SHMT2: variants seen among roughly 807,000 people sequenced by gnomAD.
SHMT2 encodes the protein serine hydroxymethyltransferase, mitochondrial.
Under a neutral mutation model 59.6 loss-of-function variants are expected in SHMT2, and 38 were observed. The ratio of observed to expected loss-of-function variants is 0.64; its 90% CI spans 0.49 to 0.84. The LOEUF is 0.84. Ranked by LOEUF, SHMT2 falls within the 40% of genes least tolerant of loss-of-function variation. The pLI is 0.00. For missense variants in SHMT2, 533 were observed against 659.5 expected (o/e 0.81, Z 2.10); for synonymous variants, 254 against 258.1 (o/e 0.98, Z 0.15).
At chr12:57,230,305 C>G in intron 1 of SHMT2, 2 of 1,154,766 alleles carry the variant, frequency 1.7e-6, no homozygotes, top group Non-Finnish European at 2.2e-6. Flanking sequence ...CCCACCCCCA[C>G]CACTCCCACA....
chr12:57,230,761 T>C, intron 1 of SHMT2, 42 bp from the exon 2 acceptor site: 1 of 1,607,240 alleles, frequency 6.2e-7, no homozygotes, highest in Non-Finnish European at 8.5e-7. Context: ...AGACGATTTG[T>C]CTGGACTGTT....
intron 1 of SHMT2, 162 bp from the exon 2 acceptor site, chr12:57,230,640 CT>C: frequency 6.9e-7 from 1 of 1,454,242 alleles, no homozygotes; most frequent in Non-Finnish European, 9.1e-7. Context: ...TCAAGCTTGG[CT>C]CCAGAACTGG....
chr12:57,230,002 C>T, intron 1 of SHMT2, 191 bp downstream of exon 1: 1 of 1,435,220 alleles, frequency 7.0e-7, no homozygotes, highest in East Asian at 2.5e-5. Flanking sequence ...CGAGCCTGTC[C>T]TCATTCTGGC....
intron 1 of SHMT2, chr12:57,230,428 T>C: frequency 8.6e-7 from 1 of 1,162,702 alleles, no homozygotes; most frequent in Non-Finnish European, 1.1e-6. Flanking sequence ...GGGGTATCAG[T>C]TTATGGTGCC....
Position 57,234,304 on chromosome 12 carries a change from G to A in SHMT2, c.1458G>A (p.Arg486=), listed in dbSNP as rs781426512. 5.0e-6 allele frequency: 8 copies of A among 1,613,660 alleles called. 1 individual carries two copies. In the South Asian group the frequency reaches 7.7e-5, roughly 16 times the overall value. ...SETSQRLANL[R]QRVEQFARAF... Reference sequence around the variant, plus strand: ...CAAGTCAGCGTCTGGCCAACCTCAGGCAACGGGTGGAGCAGTTTGCCAGGG... The same window carrying A: ...CAAGTCAGCGTCTGGCCAACCTCAGACAACGGGTGGAGCAGTTTGCCAGGG... The change falls in exon 12 of 12, where the codon AGG becomes AGA. Residue 486 remains arginine, a synonymous_variant. Transcript: ENST00000328923.
intron 1 of SHMT2, 149 bp from the exon 2 acceptor site, chr12:57,230,654 T>C: frequency 6.9e-7 from 1 of 1,457,996 alleles, no homozygotes. Flanking sequence ...AGAACTGGCT[T>C]TTGAAGGTGG....
Position 57,234,261 on chromosome 12 carries a change from T to C in SHMT2, c.1415T>C (p.Leu472Pro), listed in dbSNP as rs2136799150. The change falls in exon 12 of 12, where the codon CTG (leucine) becomes CCG (proline). Residue 472 changes from leucine (L) to proline (P), a missense_variant. Physicochemically the swap from Leu to Pro is moderately conservative, Grantham distance 98. Coordinates refer to ENST00000328923, the MANE Select transcript of SHMT2 (RefSeq NM_005412.6). ...TAKLQDFKSF[L>P]LKDSETSQRL... ...AAGCTCCAGGATTTCAAATCCTTCC[T>C]GCTTAAGGACTCAGAAACAAGTCAG... 6.2e-7 allele frequency: 1 copy of C among 1,613,486 alleles called. No homozygotes were observed. The highest frequency in any genetic ancestry group is 8.5e-7 in the Non-Finnish European group (1 of 1,179,562).
chr12:57,233,155 C>T, intron 7 of SHMT2, 25 bp from the exon 8 acceptor site: 1 of 1,520,854 alleles, frequency 6.6e-7, no homozygotes, highest in East Asian at 2.3e-5. Flanking sequence ...TCAGCTTAGA[C>T]TCTGACCATC....
intron 4 of SHMT2, 56 bp from the exon 5 acceptor site, chr12:57,232,155 T>C (rs376646352): frequency 4.1e-5 from 61 of 1,470,646 alleles, no homozygotes; most frequent in Admixed American, 1.3e-4. Flanking sequence ...TTGAAGGGAG[T>C]GGTTAAGTCC....
At chr12:57,232,075 C>T in intron 4 of SHMT2, 136 bp from the exon 5 acceptor site, 2 of 1,126,698 alleles carry the variant, frequency 1.8e-6, no homozygotes, top group Non-Finnish European at 2.6e-6. Flanking sequence ...ATAGTGCCTA[C>T]CACAGAGTGG....
intron 5 of SHMT2, 70 bp downstream of exon 5, chr12:57,232,362 C>T (rs891950839): frequency 7.4e-6 from 12 of 1,612,944 alleles, no homozygotes; most frequent in Admixed American, 1.7e-5. Flanking sequence ...AAGCTGAGGG[C>T]CTGGAGCGCC....
chr12:57,234,037 G>A lies in SHMT2; in HGVS notation c.1314G>A (p.Glu438=), dbSNP rs1266004429. The change falls in exon 11 of 12, where the codon GAG becomes GAA. Residue 438 remains glutamate, a synonymous_variant. Transcript: ENST00000328923. ...APALTSRQFR[E]DDFRRVVDFI... is the part of the protein sequence containing the mutation. ...CCTTAACTTCTCGACAGTTCCGTGA[G>A]GATGACTTCCGGAGAGTTGTGGACT... is the stretch of plus-strand genomic sequence containing the variant. The A allele has an allele frequency of 1.2e-6, 2 of 1,614,094 alleles. No homozygotes were observed. Among genetic ancestry groups the A allele is most frequent in the Non-Finnish European group, 1.7e-6 (2 of 1,180,056 alleles).
At chr12:57,232,654 G>C in intron 6 of SHMT2, 50 bp from the exon 7 acceptor site, 2 of 1,608,328 alleles carry the variant, frequency 1.2e-6, no homozygotes, top group African/African-American at 1.3e-5. Flanking sequence ...CCTTGGGCAG[G>C]CCTCTCCGGG....
In SHMT2 at chr12:57,231,404, G is replaced by C. The variant is rs951427770; in HGVS notation, c.232-77G>C. The C allele has an allele frequency of 4.7e-6, 7 of 1,474,574 alleles. No individual in the cohort carries two copies. In the African/African-American group the frequency reaches 5.6e-5, roughly 12 times the overall value. 91.3% of individuals were successfully genotyped at this position (1,474,574 alleles called of 1,614,324 possible). A position where few individuals can be genotyped will look rare whatever the true frequency, so the allele number is the denominator to read the frequency against. ...AGGGAGTACTCCCGCTTTCAGCTCT[G>C]GCTCTGGCAGGGAGGGACTGTGGGA... On this transcript the variant is annotated intron_variant, in intron 2 of 11. Transcript: ENST00000328923.
chr12:57,231,672 A>G (rs776096635), intron 3 of SHMT2, 41 bp from the exon 4 acceptor site: 3 of 1,612,636 alleles, frequency 1.9e-6, no homozygotes, highest in South Asian at 1.1e-5. Context: ...GATGGTTGAG[A>G]GTCCTTTCTC....
In SHMT2 at chr12:57,231,622, C is replaced by T. The variant is rs1303258798; in HGVS notation, c.311+62C>T. The T allele has an allele frequency of 2.0e-5, 32 of 1,611,560 alleles. No homozygotes were observed. The Middle Eastern group carries it at 4.9e-4, about 25-fold the overall frequency. ...CAGTGGGGGAACCCACCTGTACCTT[C>T]CCAGTGTTCATTGAGGAGTGAACTT... On this transcript the variant is annotated intron_variant, in intron 3 of 11. Coordinates refer to ENST00000328923, the MANE Select transcript of SHMT2 (RefSeq NM_005412.6).
chr12:57,232,203 C>T lies in SHMT2; in HGVS notation c.513-8C>T, dbSNP rs985398333. The T allele has an allele frequency of 5.0e-6, 8 of 1,613,754 alleles. No individual in the cohort carries two copies. Among genetic ancestry groups the T allele is most frequent in the African/African-American group, 4.0e-5 (3 of 74,912 alleles). On this transcript the variant is annotated splice_polypyrimidine_tract_variant and splice_region_variant and intron_variant, in intron 4 of 11. Transcript: ENST00000328923. ...ACCCAGGCCTTCTTACTTCCTCTCA[C>T]TTCGCAGTCTCACCCACGGCTACAT...
Position 57,232,808 on chromosome 12 carries a change from C to T in SHMT2, c.822C>T (p.Val274=). ...CGCCTTTCAAGCACGCGGACATCGT[C>T]ACCACCACTACTCACAAGACTCTTC... The part of the protein sequence containing the change: ...IPSPFKHADI[V]TTTTHKTLRG... Residue 274 remains valine, a synonymous_variant, in exon 7 of 12, where the codon GTC becomes GTT. Coordinates refer to ENST00000328923, the MANE Select transcript of SHMT2 (RefSeq NM_005412.6). The T allele has an allele frequency of 2.5e-6, 4 of 1,613,490 alleles. No homozygotes were observed. Among genetic ancestry groups the T allele is most frequent in the Non-Finnish European group, 3.4e-6 (4 of 1,179,422 alleles).
rs747190366 is a variant in SHMT2 at position 57,234,203 on chromosome 12, G to C, written c.1388-31G>C. 13 of 1,612,038 alleles carry C rather than the reference G, an allele frequency of 8.1e-6. No individual in the cohort carries two copies. The Admixed American group carries it at 2.2e-4, about 27-fold the overall frequency. ...ATCTCACTGCCTTCCCTAGAGCTCT[G>C]ACCACTTGTTTCCTCACCCTCTCTC... On this transcript the variant is annotated intron_variant, in intron 11 of 11. Transcript: ENST00000328923.
Sources: gnomAD v4.1 joint callset for allele counts on GRCh38, gnomAD v4.1.1 for gene constraint, MANE v1.5 for transcripts, NCBI Gene and HGNC (gene_info 2026-07-23, HGNC 2026-07-21) for gene names.